The following C3orf22 variants were observed in gnomAD, a reference collection of about 807,000 sequenced individuals.
The protein encoded by C3orf22 is chromosome 3 open reading frame 22.
In C3orf22, 7 loss-of-function variants were observed where a neutral mutation model predicts 10.8. The ratio of observed to expected loss-of-function variants is 0.65; its 90% CI spans 0.37 to 1.22. C3orf22 has a LOEUF of 1.22. Among genes scored for constraint, C3orf22 ranks in the 50% most tolerant of loss-of-function variants. C3orf22 has a pLI of 0.02. For missense variants in C3orf22, 173 were observed against 177.0 expected, an observed-to-expected ratio of 0.98 and a Z score of 0.13; for synonymous variants, 79 against 78.9, an observed-to-expected ratio of 1.00 and a Z score of 0.00.
chr3:126,549,408 T>C (rs148963550), downstream of C3orf22: 398 of 392,194 alleles, frequency 1.0e-3, 1 homozygote, highest in African/African-American at 7.9e-3. Flanking sequence ...TACATTTGAA[T>C]GGCTGCCTAA....
At chr3:126,556,771 ACT>A (rs1283145332) in intron 1 of C3orf22, among the ~76,000 whole-genome samples, 29 of 115,360 alleles carry the variant, frequency 2.5e-4, no homozygotes, top group Admixed American at 2.2e-3. Flanking sequence ...ACTCACACAG[ACT>A]CACACACTCA....
In C3orf22 at chr3:126,540,121, C is replaced by A. The variant is rs900082916; in HGVS notation, c.286+9416G>T. ...CACAGGACACACACGCATTCCCACC[C>A]CACTGGCGTCAGACCCTCCCAAGCA... On this transcript the variant is annotated intron_variant and NMD_transcript_variant, in intron 4 of 5. Transcript: ENST00000505070. 9.2e-5 allele frequency among the ~76,000 whole-genome samples: 14 copies of A among 151,898 alleles called. 1 individual carries two copies. Among genetic ancestry groups the A allele is most frequent in the South Asian group, 6.2e-4 (3 of 4,808 alleles).
chr3:126,534,100 CTT>C (rs1394821836), intron 4 of C3orf22, among the ~76,000 whole-genome samples: 1 of 152,020 alleles, frequency 6.6e-6, no homozygotes, highest in African/African-American at 2.4e-5. Context: ...TAATTTGAGT[CTT>C]TTCTATTTTC....
chr3:126,555,102 C>A (rs545377927), intron 1 of C3orf22, among the ~76,000 whole-genome samples: 1 of 152,332 alleles, frequency 6.6e-6, no homozygotes, highest in South Asian at 2.1e-4. Context: ...ACAGCTCTGG[C>A]CACTCGGAGG....
At chr3:126,545,600 G>T (rs1242511109), downstream of C3orf22, among the ~76,000 whole-genome samples, 2 of 152,196 alleles carry the variant, frequency 1.3e-5, no homozygotes, top group Non-Finnish European at 2.9e-5. Flanking sequence ...ACAGCCGAAT[G>T]CATCTGTGGG....
At chr3:126,544,642 C>G (rs1034361970) in intron 4 of C3orf22, among the ~76,000 whole-genome samples, 5 of 152,246 alleles carry the variant, frequency 3.3e-5, no homozygotes, top group African/African-American at 1.2e-4. Context: ...CCCACACAGC[C>G]CCCGATGGGA....
downstream of C3orf22, chr3:126,549,647 G>A (rs1937134923): frequency 8.0e-6 from 12 of 1,507,266 alleles, no homozygotes; most frequent in Non-Finnish European, 1.1e-5. Context: ...TTAGAGATGA[G>A]AAAATGAAGG....
chr3:126,555,148 A>C (rs1419474834), intron 1 of C3orf22, among the ~76,000 whole-genome samples: 1 of 152,182 alleles, frequency 6.6e-6, no homozygotes, highest in Non-Finnish European at 1.5e-5. Flanking sequence ...TTCTAGCGAC[A>C]AGCTTGGAGG....
chr3:126,540,638 A>G (rs534973518), intron 4 of C3orf22, among the ~76,000 whole-genome samples: 1 of 152,212 alleles, frequency 6.6e-6, no homozygotes, highest in South Asian at 2.1e-4. Flanking sequence ...AGCAGTGCAC[A>G]CTTGGATTTT....
At chr3:126,547,608 C>A (rs1937090804), downstream of C3orf22, among the ~76,000 whole-genome samples, 1 of 152,228 alleles carries the variant, frequency 6.6e-6, no homozygotes, top group African/African-American at 2.4e-5. Context: ...CAGCCAGCGA[C>A]CCCTCCTGCT....
At chr3:126,539,857 ACACCCC>A in intron 4 of C3orf22, among the ~76,000 whole-genome samples, 1 of 37,166 alleles carries the variant, frequency 2.7e-5, no homozygotes, top group African/African-American at 1.4e-4. Context: ...TCACACACAC[ACACCCC>A]ACACCACACA....
chr3:126,542,872 G>A, intron 4 of C3orf22: 1 of 302,996 alleles, frequency 3.3e-6, no homozygotes, highest in Non-Finnish European at 6.0e-6. Context: ...TTGATAACCA[G>A]GGTTTTAGGC....
chr3:126,536,199 G>T, intron 4 of C3orf22: 1 of 1,319,156 alleles, frequency 7.6e-7, no homozygotes, highest in South Asian at 1.2e-5. Context: ...TGCCTAGATG[G>T]GTTGGCCAAA....
At chr3:126,543,434 G>A (rs1407323157) in intron 4 of C3orf22, 1 of 152,298 alleles carries the variant, frequency 6.6e-6, no homozygotes, top group Admixed American at 6.5e-5. Flanking sequence ...CACAGAGCCT[G>A]GGTACCTCCT....
chr3:126,538,608 C>T (rs772896309), intron 4 of C3orf22, among the ~76,000 whole-genome samples: 2 of 152,258 alleles, frequency 1.3e-5, no homozygotes, highest in African/African-American at 4.8e-5. Flanking sequence ...CCAACATTCC[C>T]TGCCACAAGA....
exon 6 of C3orf22, chr3:126,527,451 C>G (rs565977741): frequency 1.3e-5 from 2 of 152,492 alleles, no homozygotes; most frequent in East Asian, 3.9e-4. Flanking sequence ...TGCACCAGTT[C>G]AGCAACTCCA....
Position 126,558,756 on chromosome 3 carries a change from A to G in C3orf22, c.-170T>C, listed in dbSNP as rs12488648. On this transcript the variant is annotated 5_prime_UTR_variant, in exon 1 of 4. Coordinates refer to ENST00000318225, the MANE Select transcript of C3orf22 (RefSeq NM_152533.3). ...CCCCGAGGCTGGCAGGGCCCTGGCT[A>G]CAGCCCTCTCTGGAAAGACCCAGTC... 76,676 of 152,504 alleles carry G rather than the reference A, an allele frequency of 0.5. 20,305 individuals are homozygous for G. The highest frequency in any genetic ancestry group is 0.69 in the East Asian group (3,556 of 5,166). The allele number at this position is 152,504 out of a possible 1,614,324, so 9.4% of individuals were successfully genotyped here.
downstream of C3orf22, among the ~76,000 whole-genome samples, chr3:126,545,860 G>A (rs2107576245): frequency 6.6e-6 from 1 of 152,332 alleles, no homozygotes; most frequent in Middle Eastern, 3.4e-3. Context: ...TGGTGGGACA[G>A]ATGCTCCAAT....
At chr3:126,542,489 C>T (rs148180435) in intron 4 of C3orf22, 153 of 1,582,730 alleles carry the variant, frequency 9.7e-5, no homozygotes, top group Non-Finnish European at 1.2e-4. Flanking sequence ...GGACATCAGC[C>T]CCTTCTACCA....
Sources: allele counts gnomAD v4.1 joint callset (sites outside exome capture counted in the v4.1 genomes callset), GRCh38; gene constraint gnomAD v4.1.1; transcripts MANE v1.5; gene names NCBI Gene and HGNC (gene_info 2026-07-23, HGNC 2026-07-21).